The following OCA2 variants were observed in gnomAD, a reference collection of about 807,000 sequenced individuals.
OCA2 encodes the protein P protein.
A neutral mutation model predicts 100.2 loss-of-function variants in OCA2; 77 were observed. The ratio of observed to expected loss-of-function variants is 0.77; its 90% CI spans 0.64 to 0.93. The LOEUF (loss-of-function observed/expected upper bound fraction) is 0.93. Among genes scored for constraint, OCA2 ranks in the 40% least tolerant of loss-of-function variants. OCA2 has a pLI of 0.00. For missense variants in OCA2, 1,062 were observed against 1,089.1 expected, an observed-to-expected ratio of 0.98 and a Z score of 0.35; for synonymous variants, 432 against 439.2, an observed-to-expected ratio of 0.98 and a Z score of 0.21.
chr15:27,836,431 C>CCTTT (rs576491748), intron 23 of OCA2, among the ~76,000 whole-genome samples: 2 of 151,986 alleles, frequency 1.3e-5, no homozygotes, highest in African/African-American at 4.8e-5. Context: ...TTCCTTCTTT[C>CCTTT]CTTTCTTTCT....
chr15:27,724,345 G>T, the OCA2 span, among the ~76,000 whole-genome samples: 8 of 152,268 alleles, frequency 5.3e-5, no homozygotes, highest in African/African-American at 1.9e-4. Flanking sequence ...TTGTAGGTGA[G>T]GCACTCCTGG....
intron 9 of OCA2, among the ~76,000 whole-genome samples, chr15:27,995,332 A>T (rs895660165): frequency 2.0e-5 from 3 of 152,208 alleles, no homozygotes; most frequent in Non-Finnish European, 4.4e-5. Flanking sequence ...CACACAAAAA[A>T]GTCTTCAGGA....
At chr15:28,097,787 C>G (rs1254040416) in intron 1 of OCA2, among the ~76,000 whole-genome samples, 4 of 152,170 alleles carry the variant, frequency 2.6e-5, no homozygotes, top group Admixed American at 2.6e-4. Flanking sequence ...TGGGAATCCC[C>G]CCTGCAGCTC....
chr15:28,095,178 C>G (rs1266127984), intron 1 of OCA2, among the ~76,000 whole-genome samples: 12 of 152,202 alleles, frequency 7.9e-5, no homozygotes, highest in Admixed American at 7.9e-4. Context: ...GCTGAGTGCT[C>G]CGGGCATGGT....
intron 14 of OCA2, among the ~76,000 whole-genome samples, chr15:27,972,876 TTA>T (rs2040848164): frequency 7.6e-5 from 4 of 52,754 alleles, no homozygotes; most frequent in Admixed American, 1.7e-4. Flanking sequence ...TTATTTTATT[TTA>T]TTTTTGTGAC....
intron 21 of OCA2, among the ~76,000 whole-genome samples, chr15:27,870,657 A>C: frequency 1.5e-5 from 2 of 130,098 alleles, no homozygotes; most frequent in East Asian, 2.5e-4. Flanking sequence ...ATGTCTCACA[A>C]TTTTCGAAAG....
chr15:27,959,663 C>T (rs2040347231), intron 15 of OCA2, among the ~76,000 whole-genome samples: 1 of 152,144 alleles, frequency 6.6e-6, no homozygotes, highest in Admixed American at 6.5e-5. Flanking sequence ...TCTCTCCATG[C>T]CTTTATGTTT....
intron 9 of OCA2, among the ~76,000 whole-genome samples, 179 bp downstream of exon 9, chr15:28,014,597 A>G (rs2042329756): frequency 1.3e-5 from 2 of 152,210 alleles, no homozygotes; most frequent in Non-Finnish European, 2.9e-5. Flanking sequence ...AGATTCAGCA[A>G]ATATTCCTGT....
the OCA2 span, among the ~76,000 whole-genome samples, chr15:27,745,902 C>G: frequency 1.3e-5 from 2 of 152,154 alleles, no homozygotes; most frequent in Non-Finnish European, 2.9e-5. Context: ...CCTTTGAATC[C>G]ACCTATGACT....
At chr15:27,853,453 T>C (rs2035836892) in intron 21 of OCA2, among the ~76,000 whole-genome samples, 1 of 141,004 alleles carries the variant, frequency 7.1e-6, no homozygotes, top group Admixed American at 7.0e-5. Context: ...GGGATAGCAT[T>C]GGGAGATATA....
chr15:27,987,436 G>A (rs1457045167), intron 11 of OCA2, among the ~76,000 whole-genome samples: 1 of 152,064 alleles, frequency 6.6e-6, no homozygotes, highest in Non-Finnish European at 1.5e-5. Flanking sequence ...GTCTGAACTT[G>A]AGGCTGGGTG....
intron 23 of OCA2, among the ~76,000 whole-genome samples, chr15:27,756,720 A>C (rs555750952): frequency 6.6e-6 from 1 of 152,152 alleles, no homozygotes; most frequent in Admixed American, 6.5e-5. Context: ...GATTGTGTAG[A>C]GTGAGTCAGT....
intron 18 of OCA2, among the ~76,000 whole-genome samples, chr15:27,926,516 C>T (rs1237443772): frequency 6.6e-6 from 1 of 152,146 alleles, no homozygotes; most frequent in South Asian, 2.1e-4. Flanking sequence ...TCTTGTCAAC[C>T]CCCACACTCC....
At chr15:27,848,915 T>C (rs1567020379) in intron 22 of OCA2, among the ~76,000 whole-genome samples, 2 of 152,006 alleles carry the variant, frequency 1.3e-5, no homozygotes, top group Middle Eastern at 3.4e-3. Flanking sequence ...AGCCACATGC[T>C]GCCTGGATTG....
chr15:28,021,221 G>A (rs180743829), intron 6 of OCA2, among the ~76,000 whole-genome samples: 30 of 152,248 alleles, frequency 2.0e-4, no homozygotes, highest in African/African-American at 5.5e-4. Context: ...TAGCAGTACC[G>A]GGGGCTTCAG....
chr15:27,881,326 T>TG, intron 19 of OCA2, among the ~76,000 whole-genome samples: 1 of 152,158 alleles, frequency 6.6e-6, no homozygotes, highest in South Asian at 2.1e-4. Context: ...GTTTTCTTTT[T>TG]TTGTTGTTGT....
intron 23 of OCA2, among the ~76,000 whole-genome samples, chr15:27,831,306 A>AAAAAAAAAAAAC (rs398026675): frequency 1.3e-5 from 2 of 150,924 alleles, no homozygotes; most frequent in Admixed American, 6.6e-5. Flanking sequence ...AAAAAAAAAA[A>AAAAAAAAAAAAC]TCGGTCTGAG....
At chr15:27,972,210 A>ATC (rs954238841) in intron 14 of OCA2, among the ~76,000 whole-genome samples, 2 of 151,798 alleles carry the variant, frequency 1.3e-5, no homozygotes, top group Admixed American at 6.6e-5. Context: ...ATACACGCAT[A>ATC]TCTCTCTCTC....
intron 21 of OCA2, among the ~76,000 whole-genome samples, chr15:27,864,226 C>T (rs986773778): frequency 6.6e-6 from 1 of 152,186 alleles, no homozygotes; most frequent in Non-Finnish European, 1.5e-5. Context: ...GTTTCTCTAA[C>T]TCTAGCACCT....
Sources: allele counts gnomAD v4.1 joint callset (sites outside exome capture counted in the v4.1 genomes callset), GRCh38; gene constraint gnomAD v4.1.1; transcripts MANE v1.5; gene names NCBI Gene and HGNC (gene_info 2026-07-23, HGNC 2026-07-21).